MARCHF11: variants seen among roughly 807,000 people sequenced by gnomAD.
The protein encoded by MARCHF11 is E3 ubiquitin-protein ligase MARCHF11.
Under a neutral mutation model 37.3 loss-of-function variants are expected in MARCHF11, and 29 were observed. The ratio of observed to expected loss-of-function variants is 0.78; its 90% CI spans 0.58 to 1.06. The LOEUF (loss-of-function observed/expected upper bound fraction) is 1.06. Among genes scored for constraint, MARCHF11 ranks in the 50% least tolerant of loss-of-function variants. MARCHF11 has a pLI of 0.00. For synonymous variants in MARCHF11, 233 were observed against 228.0 expected, an observed-to-expected ratio of 1.02 and a Z score of -0.20; for missense variants, 482 against 533.4, an observed-to-expected ratio of 0.90 and a Z score of 0.95.
intron 2 of MARCHF11, among the ~76,000 whole-genome samples, chr5:16,134,223 A>C (rs1027983330): frequency 1.3e-5 from 2 of 152,166 alleles, no homozygotes; most frequent in African/African-American, 4.8e-5. Context: ...CCTATTATAT[A>C]TTGCTGTGGT....
Position 16,067,162 on chromosome 5 carries a change from A to T in MARCHF11, c.*309T>A, listed in dbSNP as rs565057233. On this transcript the variant is annotated 3_prime_UTR_variant, in exon 4 of 4. Coordinates refer to ENST00000332432, the MANE Select transcript of MARCHF11 (RefSeq NM_001102562.3). ...CGAAAGCTTTCATAAAAATATATTT[A>T]AAACAAGCAAGAAAAAATAGTTTTG... 36 of 245,906 alleles carry T rather than the reference A, an allele frequency of 1.5e-4. No individual in the cohort carries two copies. The East Asian group carries it at 3.4e-3, about 23-fold the overall frequency. The allele number at this position is 245,906 out of a possible 1,614,324, so 15.2% of individuals were successfully genotyped here.
intron 2 of MARCHF11, among the ~76,000 whole-genome samples, chr5:16,112,929 C>T (rs1737171510): frequency 6.6e-6 from 1 of 152,086 alleles, no homozygotes; most frequent in Non-Finnish European, 1.5e-5. Context: ...GGTTCTCATT[C>T]TGTCTCTCGC....
intron 2 of MARCHF11, among the ~76,000 whole-genome samples, chr5:16,107,998 C>T (rs147787541): frequency 6.6e-6 from 1 of 152,272 alleles, no homozygotes; most frequent in East Asian, 1.9e-4. Flanking sequence ...CCATGTGTGA[C>T]CTGAATCTTC....
At chr5:16,144,119 T>C (rs1191000465) in intron 2 of MARCHF11, among the ~76,000 whole-genome samples, 3 of 152,134 alleles carry the variant, frequency 2.0e-5, no homozygotes, top group Admixed American at 6.5e-5. Context: ...ATAATAAAAC[T>C]AACAGCACAG....
At chr5:16,078,305 G>T (rs1736553526) in intron 3 of MARCHF11, among the ~76,000 whole-genome samples, 1 of 152,140 alleles carries the variant, frequency 6.6e-6, no homozygotes, top group South Asian at 2.1e-4. Flanking sequence ...CTCCTAAGGT[G>T]GTTATGAAAA....
At chr5:16,121,373 C>T (rs1226651686) in intron 2 of MARCHF11, among the ~76,000 whole-genome samples, 4 of 152,156 alleles carry the variant, frequency 2.6e-5, no homozygotes, top group Non-Finnish European at 5.9e-5. Context: ...GACTTTCTTT[C>T]GTTTTATTCA....
intron 2 of MARCHF11, among the ~76,000 whole-genome samples, chr5:16,164,768 C>T (rs1837640): frequency 0.97 from 147,228 of 152,144 alleles, 71,350 homozygotes; most frequent in East Asian, 1. Context: ...ACTTTAAAGG[C>T]ATCTTTCAAA....
intron 2 of MARCHF11, among the ~76,000 whole-genome samples, chr5:16,152,281 C>T (rs1184151340): frequency 6.6e-6 from 1 of 151,898 alleles, no homozygotes; most frequent in Non-Finnish European, 1.5e-5. Flanking sequence ...AAGAACTGTT[C>T]CCATTTCTAA....
chr5:16,148,337 C>G (rs1034669817), intron 2 of MARCHF11, among the ~76,000 whole-genome samples: 2 of 152,076 alleles, frequency 1.3e-5, no homozygotes, highest in Non-Finnish European at 1.5e-5. Flanking sequence ...TTAGATACCC[C>G]TTAGAAATTA....
intron 2 of MARCHF11, among the ~76,000 whole-genome samples, chr5:16,129,491 G>C (rs1737477478): frequency 6.6e-6 from 1 of 152,018 alleles, no homozygotes; most frequent in East Asian, 1.9e-4. Context: ...ATTCTTTATT[G>C]TTAAGTCAAT....
intron 2 of MARCHF11, among the ~76,000 whole-genome samples, chr5:16,149,900 C>T (rs1488713654): frequency 6.7e-6 from 1 of 150,314 alleles, no homozygotes; most frequent in Admixed American, 6.6e-5. Flanking sequence ...GATGAATCTC[C>T]CAAACATAAT....
chr5:16,151,354 A>G (rs1331496884), intron 2 of MARCHF11, among the ~76,000 whole-genome samples: 1 of 152,086 alleles, frequency 6.6e-6, no homozygotes, highest in Non-Finnish European at 1.5e-5. Flanking sequence ...TGTTATTTCA[A>G]ACTTGCACAA....
chr5:16,132,920 G>T (rs762217521), intron 2 of MARCHF11, among the ~76,000 whole-genome samples: 20 of 152,048 alleles, frequency 1.3e-4, no homozygotes, highest in Non-Finnish European at 2.4e-4. Context: ...GTAAGCAACT[G>T]ACATAAACAT....
At chr5:16,178,730 G>A (rs373613667) in intron 1 of MARCHF11, among the ~76,000 whole-genome samples, 60 of 152,282 alleles carry the variant, frequency 3.9e-4, no homozygotes, top group African/African-American at 1.3e-3. Context: ...AAAATCCATC[G>A]AATAATTCAC....
intron 2 of MARCHF11, among the ~76,000 whole-genome samples, chr5:16,175,218 C>A (rs1377772930): frequency 6.6e-6 from 1 of 152,238 alleles, no homozygotes; most frequent in Non-Finnish European, 1.5e-5. Flanking sequence ...TGACCTCCAT[C>A]AACCCATTGA....
intron 2 of MARCHF11, among the ~76,000 whole-genome samples, chr5:16,157,764 G>A (rs769978771): frequency 5.3e-5 from 8 of 151,822 alleles, no homozygotes; most frequent in Non-Finnish European, 1.0e-4. Context: ...ACCTCCAAGA[G>A]ATTGATCTTG....
chr5:16,158,959 T>C (rs1738028635), intron 2 of MARCHF11, among the ~76,000 whole-genome samples: 1 of 151,926 alleles, frequency 6.6e-6, no homozygotes, highest in Admixed American at 6.6e-5. Context: ...TGAGAGTAGA[T>C]TTTAAGTTGT....
At chr5:16,068,651 A>G (rs867437139) in intron 3 of MARCHF11, among the ~76,000 whole-genome samples, 1 of 152,208 alleles carries the variant, frequency 6.6e-6, no homozygotes, top group Admixed American at 6.5e-5. Context: ...ATGCACTAGC[A>G]CATGTGTCAT....
intron 2 of MARCHF11, among the ~76,000 whole-genome samples, chr5:16,154,389 T>TTG (rs1294761220): frequency 6.6e-6 from 1 of 152,018 alleles, no homozygotes; most frequent in African/African-American, 2.4e-5. Context: ...TTGGCCAATA[T>TTG]TCAAGTCTCA....
Sources: allele counts gnomAD v4.1 joint callset (sites outside exome capture counted in the v4.1 genomes callset), GRCh38; gene constraint gnomAD v4.1.1; transcripts MANE v1.5; gene names NCBI Gene and HGNC (gene_info 2026-07-23, HGNC 2026-07-21).